Variants in CSMD1 observed in about 807,000 individuals in gnomAD.
The protein encoded by CSMD1 is CUB and Sushi multiple domains 1.
CSMD1 carries 213 observed loss-of-function variants against 417.5 expected under a neutral mutation model. The ratio of observed to expected loss-of-function variants is 0.51; its 90% CI spans 0.46 to 0.57. CSMD1 has a LOEUF of 0.57. CSMD1 is among the 20% of genes least tolerant of loss of function. The pLI is 0.00. For missense variants in CSMD1, 6,923 were observed against 4,529.7 expected (o/e 1.53, Z -15.17); for synonymous variants, 2,862 against 1,736.8 (o/e 1.65, Z -16.11).
intron 1 of CSMD1, among the ~76,000 whole-genome samples, chr8:4,966,378 T>C (rs1162801367): frequency 6.6e-6 from 1 of 151,956 alleles, no homozygotes; most frequent in Non-Finnish European, 1.5e-5. Context: ...AAACTCCATC[T>C]CAAACAAAAA....
chr8:3,219,135 G>T lies in CSMD1; in HGVS notation c.4672+120C>A, dbSNP rs889976521. 6.8e-6 allele frequency: 5 copies of T among 740,210 alleles called. No individual in the cohort carries two copies. In the East Asian group the frequency reaches 1.4e-4, roughly 21 times the overall value. 45.9% of individuals were successfully genotyped at this position (740,210 alleles called of 1,614,324 possible). A position where few individuals can be genotyped will look rare whatever the true frequency, so the allele number is the denominator to read the frequency against. On this transcript the variant is annotated intron_variant, in intron 29 of 69. Coordinates refer to ENST00000635120, the MANE Select transcript of CSMD1 (RefSeq NM_033225.6). Reference sequence around the variant, plus strand: ...GGAGACATGTATCTTCCCAGACAGAGGAGACACATATCAGCATTTATGTAT... The same window carrying T: ...GGAGACATGTATCTTCCCAGACAGATGAGACACATATCAGCATTTATGTAT...
intron 20 of CSMD1, among the ~76,000 whole-genome samples, chr8:3,361,916 T>C (rs1809211692): frequency 6.6e-6 from 1 of 152,142 alleles, no homozygotes. Flanking sequence ...TTCTAAGGAT[T>C]CTCTTATATT....
intron 10 of CSMD1, among the ~76,000 whole-genome samples, chr8:3,571,343 A>C (rs1323133830): frequency 1.3e-5 from 2 of 152,180 alleles, no homozygotes; most frequent in African/African-American, 2.4e-5. Context: ...AATAGCATAC[A>C]CATCTCCTAC....
chr8:4,677,037 G>A lies in CSMD1; in HGVS notation c.86-39479C>T, dbSNP rs574479511. On this transcript the variant is annotated intron_variant, in intron 1 of 69. Coordinates refer to ENST00000635120, the MANE Select transcript of CSMD1 (RefSeq NM_033225.6). ...AATTTTACATAGAATTTTATATAGA[G>A]AGAATTATATATATAGAATTATATA... Among the ~76,000 whole-genome samples, 5 of 142,434 alleles carry A rather than the reference G, an allele frequency of 3.5e-5. No individual in the cohort carries two copies. The South Asian group carries it at 1.1e-3, about 32-fold the overall frequency. 93.4% of individuals were successfully genotyped at this position (142,434 alleles called of 152,430 possible).
chr8:3,257,101 C>T (rs1800708641), intron 26 of CSMD1, among the ~76,000 whole-genome samples: 1 of 152,148 alleles, frequency 6.6e-6, no homozygotes, highest in Non-Finnish European at 1.5e-5. Flanking sequence ...GTGGGTGGAT[C>T]ACTTGAGGTC....
intron 12 of CSMD1, among the ~76,000 whole-genome samples, chr8:3,443,572 G>C (rs1815124599): frequency 6.6e-6 from 1 of 152,190 alleles, no homozygotes; most frequent in Non-Finnish European, 1.5e-5. Context: ...AAGTGAAACA[G>C]TTTAGAAGAG....
Position 3,097,046 on chromosome 8 carries a change from A to T in CSMD1, c.6950-9T>A, listed in dbSNP as rs1181534812. ...ATTTGCTGGGCATTGTGCTGGAGAGAAAAGTACCAGCAAAAGTTTGCTTTA... is the reference window on the plus strand; with the variant it reads ...ATTTGCTGGGCATTGTGCTGGAGAGTAAAGTACCAGCAAAAGTTTGCTTTA... On this transcript the variant is annotated splice_polypyrimidine_tract_variant and intron_variant, in intron 46 of 69. Transcript: ENST00000635120. 2.0e-6 allele frequency: 3 copies of T among 1,511,388 alleles called. No individual in the cohort carries two copies. The highest frequency in any genetic ancestry group is 2.7e-6 in the Non-Finnish European group (3 of 1,127,292). 93.6% of individuals were successfully genotyped at this position (1,511,388 alleles called of 1,614,324 possible).
At chr8:4,196,210 C>G (rs899863163) in intron 3 of CSMD1, among the ~76,000 whole-genome samples, 5 of 151,904 alleles carry the variant, frequency 3.3e-5, no homozygotes, top group Non-Finnish European at 7.4e-5. Flanking sequence ...GACTCCGTTT[C>G]AAAAATAAAT....
intron 3 of CSMD1, among the ~76,000 whole-genome samples, chr8:4,098,015 T>A (rs928535962): frequency 6.6e-6 from 1 of 152,182 alleles, no homozygotes; most frequent in Non-Finnish European, 1.5e-5. Context: ...CAAGAGTGAT[T>A]TGCAGGAGTT....
At chr8:4,698,228 C>G (rs555640127) in intron 1 of CSMD1, among the ~76,000 whole-genome samples, 9 of 149,602 alleles carry the variant, frequency 6.0e-5, no homozygotes, top group Non-Finnish European at 1.5e-5. Context: ...AGCCCTGGTT[C>G]TTCATCAGTA....
chr8:3,157,290 C>A (rs1416862529), intron 39 of CSMD1, among the ~76,000 whole-genome samples: 1 of 152,116 alleles, frequency 6.6e-6, no homozygotes, highest in Non-Finnish European at 1.5e-5. Flanking sequence ...GGACTTGTGA[C>A]CACCACCTTC....
intron 5 of CSMD1, among the ~76,000 whole-genome samples, chr8:3,760,711 G>C (rs778346335): frequency 2.0e-5 from 3 of 152,184 alleles, no homozygotes; most frequent in South Asian, 4.1e-4. Flanking sequence ...CTTTGTTTGA[G>C]TACTTCTCTT....
chr8:3,681,578 T>C (rs138420811), intron 7 of CSMD1, among the ~76,000 whole-genome samples: 1,965 of 152,264 alleles, frequency 0.013, 15 homozygotes, highest in Non-Finnish European at 0.021. Flanking sequence ...TGCTTATGGA[T>C]AGGAAGAGTA....
chr8:3,622,598 C>T (rs114422882), intron 7 of CSMD1, among the ~76,000 whole-genome samples: 11 of 152,244 alleles, frequency 7.2e-5, no homozygotes, highest in South Asian at 4.1e-4. Flanking sequence ...TCTGTGAAGG[C>T]GCAAAATGAT....
At chr8:3,922,682 T>C (rs986292140) in intron 5 of CSMD1, among the ~76,000 whole-genome samples, 1 of 152,182 alleles carries the variant, frequency 6.6e-6, no homozygotes, top group Non-Finnish European at 1.5e-5. Context: ...TTCATCCAAA[T>C]CTGTATTTTA....
intron 5 of CSMD1, among the ~76,000 whole-genome samples, chr8:3,806,818 C>A (rs759483456): frequency 6.6e-6 from 1 of 152,112 alleles, no homozygotes; most frequent in Non-Finnish European, 1.5e-5. Context: ...TTCAGAACTA[C>A]CTTTTCTAAC....
intron 11 of CSMD1, among the ~76,000 whole-genome samples, chr8:3,482,398 A>T (rs1205042907): frequency 6.6e-6 from 1 of 152,210 alleles, no homozygotes. Flanking sequence ...AAGTAGACTT[A>T]AGGCAAATAA....
At chr8:3,775,622 C>A (rs568726288) in intron 5 of CSMD1, among the ~76,000 whole-genome samples, 1 of 152,148 alleles carries the variant, frequency 6.6e-6, no homozygotes, top group East Asian at 1.9e-4. Context: ...ATTGTTGGGA[C>A]TCATGTGCTC....
chr8:3,307,579 T>C, intron 25 of CSMD1, 116 bp downstream of exon 25: 2 of 1,222,942 alleles, frequency 1.6e-6, no homozygotes, highest in Non-Finnish European at 2.3e-6. Flanking sequence ...GCTTTACCTT[T>C]TCTTCTTTAG....
Sources: gnomAD v4.1 joint callset for allele counts (sites outside exome capture counted in the v4.1 genomes callset) on GRCh38, gnomAD v4.1.1 for gene constraint, MANE v1.5 for transcripts, NCBI Gene and HGNC (gene_info 2026-07-23, HGNC 2026-07-21) for gene names.